The following VRK2 variants were observed in gnomAD, a reference collection of about 807,000 sequenced individuals.
The protein encoded by VRK2 is VRK serine/threonine kinase 2.
Under a neutral mutation model 57.6 loss-of-function variants are expected in VRK2, and 60 were observed. That is an observed-to-expected ratio of 1.04 (90% CI 0.85 to 1.29). VRK2 has a LOEUF of 1.29. Ranked by LOEUF, VRK2 falls within the 50% of genes most tolerant of loss-of-function variation. VRK2 has a pLI of 0.00. For missense variants in VRK2, 705 were observed against 588.1 expected, an observed-to-expected ratio of 1.20 and a Z score of -2.06; for synonymous variants, 231 against 199.2, an observed-to-expected ratio of 1.16 and a Z score of -1.35.
chr2:58,002,148 A>G (rs1195492753), intron 1 of VRK2, among the ~76,000 whole-genome samples: 1 of 152,188 alleles, frequency 6.6e-6, no homozygotes, highest in Non-Finnish European at 1.5e-5. Flanking sequence ...TTTGTTGTAT[A>G]TAATTCTGGT....
intron 1 of VRK2, among the ~76,000 whole-genome samples, chr2:57,937,881 G>C (rs1670967156): frequency 6.8e-6 from 1 of 146,092 alleles, no homozygotes; most frequent in South Asian, 2.2e-4. Flanking sequence ...TCCTAGGCTG[G>C]AGTGCAATGG....
At chr2:58,130,001 A>G (rs1323115413) in intron 8 of VRK2, among the ~76,000 whole-genome samples, 1 of 152,218 alleles carries the variant, frequency 6.6e-6, no homozygotes, top group Non-Finnish European at 1.5e-5. Context: ...ATAGTGAAGT[A>G]AAGTTAACTC....
intron 1 of VRK2, among the ~76,000 whole-genome samples, chr2:57,930,401 T>C (rs889958034): frequency 1.3e-5 from 2 of 152,054 alleles, no homozygotes; most frequent in African/African-American, 4.8e-5. Flanking sequence ...CCCAAACACA[T>C]AGATTCTCTT....
chr2:58,149,139 T>C (rs975432225), intron 12 of VRK2, among the ~76,000 whole-genome samples: 3 of 151,768 alleles, frequency 2.0e-5, no homozygotes, highest in Non-Finnish European at 4.4e-5. Context: ...GGTACTTCTC[T>C]GCATTTATGT....
chr2:58,103,774 G>C lies in VRK2; in HGVS notation c.543+14051G>C, dbSNP rs1288991840. 2.0e-5 allele frequency among the ~76,000 whole-genome samples: 3 copies of C among 151,454 alleles called. No individual in the cohort carries two copies. The Admixed American group carries it at 2.0e-4, about 10-fold the overall frequency. ...AAGCCAGTGTGACCCTTATACCAAA[G>C]CTAAACAAGGACAAAACAAAAAAGA... On this transcript the variant is annotated intron_variant, in intron 7 of 12. Coordinates refer to ENST00000340157, the MANE Select transcript of VRK2 (RefSeq NM_006296.7).
intron 1 of VRK2, among the ~76,000 whole-genome samples, chr2:57,998,188 G>C (rs182026461): frequency 6.6e-6 from 1 of 152,108 alleles, no homozygotes; most frequent in African/African-American, 2.4e-5. Context: ...TTTCTGCCCT[G>C]TTTTAATTGT....
At chr2:58,065,573 T>C (rs1668492481) in intron 2 of VRK2, among the ~76,000 whole-genome samples, 1 of 152,176 alleles carries the variant, frequency 6.6e-6, no homozygotes, top group Admixed American at 6.6e-5. Context: ...CAAAATTGTT[T>C]TAGCTATTTT....
chr2:57,999,761 A>C (rs980370457), intron 1 of VRK2, among the ~76,000 whole-genome samples: 1 of 152,240 alleles, frequency 6.6e-6, no homozygotes, highest in Non-Finnish European at 1.5e-5. Context: ...AGTTACATAA[A>C]TCATACATAC....
intron 12 of VRK2, among the ~76,000 whole-genome samples, chr2:58,146,877 A>G (rs1573395946): frequency 6.6e-6 from 1 of 151,972 alleles, no homozygotes; most frequent in East Asian, 1.9e-4. Context: ...TATTTTTTAC[A>G]TCACTCAGTC....
chr2:58,146,520 T>G (rs1179363538), intron 12 of VRK2, 46 bp downstream of exon 12: 1 of 1,578,750 alleles, frequency 6.3e-7, no homozygotes, highest in African/African-American at 1.4e-5. Flanking sequence ...AATGTTACAT[T>G]AGAATATGCC....
intron 6 of VRK2, among the ~76,000 whole-genome samples, chr2:58,088,873 C>G (rs139127726): frequency 8.5e-4 from 129 of 152,292 alleles, no homozygotes; most frequent in African/African-American, 2.8e-3. Flanking sequence ...TTAGTTGTGA[C>G]AATGAATAAA....
intron 1 of VRK2, among the ~76,000 whole-genome samples, chr2:57,939,520 A>G (rs1365630804): frequency 6.6e-6 from 1 of 152,224 alleles, no homozygotes; most frequent in Non-Finnish European, 1.5e-5. Context: ...ATTCAAATAA[A>G]AAAATGAGGA....
At chr2:57,941,354 G>A (rs1226558062) in intron 1 of VRK2, among the ~76,000 whole-genome samples, 4 of 152,146 alleles carry the variant, frequency 2.6e-5, no homozygotes, top group Non-Finnish European at 5.9e-5. Flanking sequence ...ATTGTGAGCA[G>A]GATGGCTGAA....
At chr2:58,054,715 CT>C (rs543606848) in intron 2 of VRK2, among the ~76,000 whole-genome samples, 334 of 152,188 alleles carry the variant, frequency 2.2e-3, no homozygotes, top group Non-Finnish European at 4.2e-3. Context: ...ATGAAAATTT[CT>C]TCATCATCTA....
intron 1 of VRK2, among the ~76,000 whole-genome samples, chr2:58,025,157 C>T (rs1008821886): frequency 5.3e-5 from 8 of 152,272 alleles, no homozygotes; most frequent in Non-Finnish European, 1.0e-4. Context: ...AGGTTCAAAT[C>T]CTGTCTCTGC....
At chr2:58,047,883 A>G (rs1038349299) in intron 1 of VRK2, among the ~76,000 whole-genome samples, 2 of 152,258 alleles carry the variant, frequency 1.3e-5, no homozygotes, top group Non-Finnish European at 2.9e-5. Context: ...TATGGAAGCT[A>G]GGAAGATTAT....
chr2:57,996,880 C>T (rs1367234280), intron 1 of VRK2, among the ~76,000 whole-genome samples: 2 of 150,758 alleles, frequency 1.3e-5, no homozygotes, highest in African/African-American at 4.9e-5. Context: ...ATAGTTGTTG[C>T]ACCATATTGT....
At chr2:58,110,071 AGTGAAATAGGAAGGTGATCTGGCCAG>A (rs1675335038) in intron 7 of VRK2, among the ~76,000 whole-genome samples, 1 of 152,194 alleles carries the variant, frequency 6.6e-6, no homozygotes, top group Non-Finnish European at 1.5e-5. Flanking sequence ...AATCTGGCCA[AGTGAAATAGGAAGGTGATCTGGCCAG>A]GTGAAATATG....
In VRK2 at chr2:58,089,548, A is replaced by G. The variant is rs573257983; in HGVS notation, c.451-83A>G. On this transcript the variant is annotated intron_variant, in intron 6 of 12. Transcript: ENST00000340157. ...TGTCAATGTTAATATGAAAAAACCCATGTTATTCTATATTCAAAATGTTGA... is the reference window on the plus strand; with the variant it reads ...TGTCAATGTTAATATGAAAAAACCCGTGTTATTCTATATTCAAAATGTTGA... The G allele has an allele frequency of 6.6e-4, 526 of 794,084 alleles. 2 individuals are homozygous for G. Among genetic ancestry groups the G allele is most frequent in the Middle Eastern group, 1.1e-3 (3 of 2,674 alleles). The allele number at this position is 794,084 out of a possible 1,614,324, so 49.2% of individuals were successfully genotyped here.
Sources: gnomAD v4.1 joint callset for allele counts (sites outside exome capture counted in the v4.1 genomes callset) on GRCh38, gnomAD v4.1.1 for gene constraint, MANE v1.5 for transcripts, NCBI Gene and HGNC (gene_info 2026-07-23, HGNC 2026-07-21) for gene names.